Variants in CCNY observed in about 807,000 individuals in gnomAD.
CCNY encodes cyclin Y.
CCNY carries 19 observed loss-of-function variants against 42.8 expected under a neutral mutation model. That is an observed-to-expected ratio of 0.44 (90% CI 0.31 to 0.65). CCNY has a LOEUF of 0.65. Among genes scored for constraint, CCNY ranks in the 30% least tolerant of loss-of-function variants. CCNY has a pLI of 0.07. For synonymous variants in CCNY, 165 were observed against 162.7 expected, an observed-to-expected ratio of 1.01 and a Z score of -0.11; for missense variants, 370 against 437.3, an observed-to-expected ratio of 0.85 and a Z score of 1.37.
At chr10:35,426,703 A>G (rs888990818) in intron 1 of CCNY, among the ~76,000 whole-genome samples, 2 of 152,264 alleles carry the variant, frequency 1.3e-5, no homozygotes, top group African/African-American at 4.8e-5. Flanking sequence ...GCCAATATCT[A>G]TATTCCTGAG....
In CCNY at chr10:35,469,743, A is replaced by G. The variant is rs187283916; in HGVS notation, c.155-13661A>G. ...AGATAGGGAGATGGAGAGACAGGGA[A>G]ATGGGGAGACAGGAAGATGGAGAGA... On this transcript the variant is annotated intron_variant, in intron 1 of 9. Transcript: ENST00000374704. Among the ~76,000 whole-genome samples the G allele has an allele frequency of 1.3e-3, 171 of 133,716 alleles. 1 individual carries two copies. Among genetic ancestry groups the G allele is most frequent in the African/African-American group, 4.3e-3 (151 of 35,112 alleles). 87.7% of individuals were successfully genotyped at this position (133,716 alleles called of 152,430 possible).
rs183280047 is a variant in CCNY at position 35,564,109 on chromosome 10, A to G, written c.747-1914A>G. ...TGGCCAGGCTGGTCTCAAACTCCTA[A>G]ACTCAGGTGATCCACCCGCCTCAGC... On this transcript the variant is annotated intron_variant, in intron 8 of 9. Transcript: ENST00000374704. Among the ~76,000 whole-genome samples, 13 of 152,048 alleles carry G rather than the reference A, an allele frequency of 8.5e-5. No homozygotes were observed. The East Asian group carries it at 2.5e-3, about 29-fold the overall frequency.
chr10:35,297,890 C>G (rs941258167), intron 3 of CCNY, among the ~76,000 whole-genome samples: 8 of 151,714 alleles, frequency 5.3e-5, no homozygotes, highest in African/African-American at 1.9e-4. Context: ...TAGGAAGAAT[C>G]AATATCATTA....
intron 1 of CCNY, among the ~76,000 whole-genome samples, chr10:35,465,798 T>C (rs1442192859): frequency 6.6e-6 from 1 of 152,140 alleles, no homozygotes; most frequent in Non-Finnish European, 1.5e-5. Context: ...ACCTGCTCTG[T>C]GCAGTCATCT....
chr10:35,337,248 A>G (rs1836062152), intron 1 of CCNY, 41 bp downstream of exon 1: 1 of 1,456,706 alleles, frequency 6.9e-7, no homozygotes, highest in African/African-American at 1.5e-5. Context: ...CCCCCGCGGC[A>G]ACAGTCGCAC....
chr10:35,429,584 T>C (rs569150219), intron 1 of CCNY, among the ~76,000 whole-genome samples: 1 of 152,326 alleles, frequency 6.6e-6, no homozygotes, highest in African/African-American at 2.4e-5. Context: ...AGTTTACGTA[T>C]CTGTAAAACA....
intron 3 of CCNY, among the ~76,000 whole-genome samples, chr10:35,508,321 T>C (rs1336799255): frequency 4.6e-5 from 7 of 152,248 alleles, no homozygotes; most frequent in Non-Finnish European, 8.8e-5. Context: ...ATGCTTGTGC[T>C]TAAATATTTC....
chr10:35,311,984 T>TCACAAAAA (rs537842628), intron 3 of CCNY, among the ~76,000 whole-genome samples: 1 of 151,722 alleles, frequency 6.6e-6, no homozygotes. Flanking sequence ...AGACTCTGTC[T>TCACAAAAA]AAAAAAAATT....
chr10:35,443,552 A>G (rs1302779325), intron 1 of CCNY, among the ~76,000 whole-genome samples: 2 of 152,232 alleles, frequency 1.3e-5, no homozygotes, highest in Non-Finnish European at 2.9e-5. Flanking sequence ...CACTCTGTAG[A>G]AAATGAAGTA....
intron 1 of CCNY, among the ~76,000 whole-genome samples, chr10:35,463,418 A>T (rs1355652458): frequency 6.6e-6 from 1 of 152,208 alleles, no homozygotes; most frequent in African/African-American, 2.4e-5. Context: ...GGTGATCCAG[A>T]GTATATGCAT....
In CCNY at chr10:35,512,774, A is replaced by G. The variant is rs984649763; in HGVS notation, c.265-3749A>G. ...GGTGGCCTCTGGGTTCTGTGACTCA[A>G]ACTCCCTGTGGGGAGCTCAGCATGG... On this transcript the variant is annotated intron_variant, in intron 3 of 9. Transcript: ENST00000374704. Among the ~76,000 whole-genome samples, 6 of 152,002 alleles carry G rather than the reference A, an allele frequency of 3.9e-5. No individual in the cohort carries two copies. In the South Asian group the frequency reaches 6.3e-4, roughly 16 times the overall value.
At chr10:35,258,851 G>T (rs984145492) in intron 3 of CCNY, among the ~76,000 whole-genome samples, 1 of 151,450 alleles carries the variant, frequency 6.6e-6, no homozygotes, top group Non-Finnish European at 1.5e-5. Flanking sequence ...GCAGGAGAAT[G>T]ATTGAACCTG....
intron 3 of CCNY, among the ~76,000 whole-genome samples, chr10:35,503,999 T>G (rs1840164906): frequency 6.6e-6 from 1 of 152,252 alleles, no homozygotes; most frequent in African/African-American, 2.4e-5. Flanking sequence ...TCATTTAGTT[T>G]GTTACTGAAC....
Position 35,304,305 on chromosome 10 carries a change from T to A in CCNY, c.-9+53679T>A, listed in dbSNP as rs564815742. Among the ~76,000 whole-genome samples the A allele has an allele frequency of 2.6e-3, 133 of 51,528 alleles. 32 individuals carry two copies. The highest frequency in any genetic ancestry group is 4.7e-3 in the South Asian group (7 of 1,488). The allele number at this position is 51,528 out of a possible 152,430, so 33.8% of individuals were successfully genotyped here. On this transcript the variant is annotated intron_variant, in intron 3 of 11. Coordinates refer to the CCNY transcript ENST00000374706. ...TTTTTTCTCCTTTTATTTTTTTTTT[T>A]TTTTTATTTTTTATTTTTTTTTGAG...
intron 3 of CCNY, among the ~76,000 whole-genome samples, chr10:35,327,494 T>C (rs554664867): frequency 6.6e-6 from 1 of 152,236 alleles, no homozygotes; most frequent in Non-Finnish European, 1.5e-5. Flanking sequence ...TGAATATTAA[T>C]ATTCTTTCCA....
chr10:35,262,378 A>ATTTTATTT (rs1554963601), intron 3 of CCNY, among the ~76,000 whole-genome samples: 3 of 139,658 alleles, frequency 2.1e-5, no homozygotes, highest in Non-Finnish European at 4.7e-5. Flanking sequence ...ATTTTATTTG[A>ATTTTATTT]GATACAGTCT....
At chr10:35,523,217 C>G (rs1840584500) in intron 4 of CCNY, among the ~76,000 whole-genome samples, 1 of 152,180 alleles carries the variant, frequency 6.6e-6, no homozygotes, top group East Asian at 1.9e-4. Flanking sequence ...GACACAGCTG[C>G]AAGCAGTTGA....
intron 3 of CCNY, among the ~76,000 whole-genome samples, chr10:35,503,322 G>C (rs1840149106): frequency 1.3e-5 from 2 of 152,142 alleles, no homozygotes. Context: ...CTCTGCAAAT[G>C]CACCTGTTCC....
At position 35,483,363 on chromosome 10, in the gene CCNY, C is replaced by T. The variant is rs749766307; in HGVS notation, c.155-41C>T. On this transcript the variant is annotated intron_variant, in intron 1 of 9. Transcript: ENST00000374704. ...GTCAATCTTGATTCCTCTTAGTTAT[C>T]AGATGGTTTATTCATATAATTTATT... The T allele has an allele frequency of 7.0e-6, 9 of 1,289,922 alleles. No individual in the cohort carries two copies. In the South Asian group the frequency reaches 1.1e-4, roughly 16 times the overall value. 79.9% of individuals were successfully genotyped at this position (1,289,922 alleles called of 1,614,324 possible). A position where few individuals can be genotyped will look rare whatever the true frequency, so the allele number is the denominator to read the frequency against.
Sources: allele counts gnomAD v4.1 joint callset (sites outside exome capture counted in the v4.1 genomes callset), GRCh38; gene constraint gnomAD v4.1.1; transcripts MANE v1.5; gene names NCBI Gene and HGNC (gene_info 2026-07-23, HGNC 2026-07-21).